The following DDAH1 variants were observed in gnomAD, a reference collection of about 807,000 sequenced individuals.
DDAH1 encodes the protein dimethylarginine dimethylaminohydrolase 1, also known as N(G),N(G)-dimethylarginine dimethylaminohydrolase 1.
In DDAH1, 19 loss-of-function variants were observed where a neutral mutation model predicts 28.8. The ratio of observed to expected loss-of-function variants is 0.66; its 90% CI spans 0.46 to 0.97. DDAH1 has a LOEUF of 0.97. DDAH1 is among the 50% of genes least tolerant of loss of function. The pLI is 0.00. For missense variants in DDAH1, 326 were observed against 375.9 expected, an observed-to-expected ratio of 0.87 and a Z score of 1.10; for synonymous variants, 153 against 154.4, an observed-to-expected ratio of 0.99 and a Z score of 0.07.
chr1:85,386,813 G>C (rs180837906), intron 1 of DDAH1, among the ~76,000 whole-genome samples: 3 of 152,278 alleles, frequency 2.0e-5, no homozygotes, highest in African/African-American at 4.8e-5. Context: ...CAAGCTTTCT[G>C]ATATATCCTC....
chr1:85,350,733 G>A (rs1222442105), intron 3 of DDAH1, among the ~76,000 whole-genome samples, 199 bp from the exon 4 acceptor site: 2 of 152,194 alleles, frequency 1.3e-5, no homozygotes, highest in East Asian at 3.9e-4. Context: ...GTCACCAGAT[G>A]TGTGACTGCT....
intron 2 of DDAH1, among the ~76,000 whole-genome samples, chr1:85,476,235 C>T (rs777305522): frequency 5.3e-5 from 8 of 152,082 alleles, no homozygotes; most frequent in Non-Finnish European, 1.2e-4. Context: ...TTCCTCAGCT[C>T]CTTCTTCTCA....
At chr1:85,323,599 T>C (rs1179546788) in intron 5 of DDAH1, among the ~76,000 whole-genome samples, 3 of 152,170 alleles carry the variant, frequency 2.0e-5, no homozygotes, top group Admixed American at 6.5e-5. Context: ...GAAGAGCTTT[T>C]TGCTACCTAG....
intron 1 of DDAH1, among the ~76,000 whole-genome samples, chr1:85,524,743 T>C (rs1470602176): frequency 6.6e-6 from 1 of 151,780 alleles, no homozygotes; most frequent in African/African-American, 2.4e-5. Context: ...GCGTAATGTA[T>C]TGATAAAGCA....
chr1:85,529,024 A>T (rs1657987895), intron 1 of DDAH1, among the ~76,000 whole-genome samples: 1 of 150,862 alleles, frequency 6.6e-6, no homozygotes, highest in Admixed American at 6.6e-5. Flanking sequence ...GGCCATATGC[A>T]GCAGGAGGAT....
chr1:85,418,567 T>C (rs1652988920), intron 1 of DDAH1, among the ~76,000 whole-genome samples: 2 of 152,194 alleles, frequency 1.3e-5, no homozygotes, highest in African/African-American at 4.8e-5. Flanking sequence ...ATTTCATTGG[T>C]ATTTAAAATT....
At chr1:85,365,044 A>C (rs1649999239) in intron 1 of DDAH1, among the ~76,000 whole-genome samples, 1 of 152,218 alleles carries the variant, frequency 6.6e-6, no homozygotes, top group South Asian at 2.1e-4. Flanking sequence ...TAGTCTTCCT[A>C]TGTGCCAGGC....
At chr1:85,525,675 A>G (rs1657845100) in intron 1 of DDAH1, among the ~76,000 whole-genome samples, 2 of 152,080 alleles carry the variant, frequency 1.3e-5, no homozygotes, top group Admixed American at 1.3e-4. Context: ...AGCAGGACAC[A>G]TAGCTTCTGA....
intron 1 of DDAH1, among the ~76,000 whole-genome samples, chr1:85,528,866 C>A (rs1337462842): frequency 6.6e-6 from 1 of 151,422 alleles, no homozygotes; most frequent in Non-Finnish European, 1.5e-5. Context: ...TCCAGCTACT[C>A]AAGAGGCCGA....
chr1:85,555,826 T>C (rs1297627123), intron 1 of DDAH1, among the ~76,000 whole-genome samples: 2 of 152,222 alleles, frequency 1.3e-5, no homozygotes, highest in Non-Finnish European at 2.9e-5. Context: ...CCAAAATGTT[T>C]AGGTCTTCCT....
At chr1:85,434,248 A>G (rs893355043) in intron 1 of DDAH1, among the ~76,000 whole-genome samples, 2 of 152,098 alleles carry the variant, frequency 1.3e-5, no homozygotes, top group East Asian at 3.8e-4. Flanking sequence ...TGATGCCCCA[A>G]TTTTTAAAAA....
At chr1:85,543,694 A>C (rs1303193750) in intron 1 of DDAH1, among the ~76,000 whole-genome samples, 2 of 152,236 alleles carry the variant, frequency 1.3e-5, no homozygotes, top group Non-Finnish European at 2.9e-5. Flanking sequence ...TACTTGTTTA[A>C]GTAATTATTA....
chr1:85,486,607 G>A (rs564828214), intron 2 of DDAH1, among the ~76,000 whole-genome samples: 1 of 152,156 alleles, frequency 6.6e-6, no homozygotes. Flanking sequence ...GCCAGCATTG[G>A]AGATGCAAAA....
At chr1:85,337,786 A>G (rs1648232443) in intron 4 of DDAH1, among the ~76,000 whole-genome samples, 1 of 152,156 alleles carries the variant, frequency 6.6e-6, no homozygotes, top group Admixed American at 6.5e-5. Flanking sequence ...CCTTTCCTCC[A>G]TAGTCTATCC....
chr1:85,340,091 A>G (rs1648381320), intron 4 of DDAH1, among the ~76,000 whole-genome samples: 1 of 152,216 alleles, frequency 6.6e-6, no homozygotes, highest in African/African-American at 2.4e-5. Flanking sequence ...AGAGAGTAAC[A>G]GATGAAAATA....
At chr1:85,468,158 CAT>C (rs1655450996), upstream of DDAH1, among the ~76,000 whole-genome samples, 1 of 152,198 alleles carries the variant, frequency 6.6e-6, no homozygotes, top group South Asian at 2.1e-4. Flanking sequence ...AACTCCAACA[CAT>C]ATAATGGCAC....
At chr1:85,568,842 A>C (rs1242990755) in intron 1 of DDAH1, among the ~76,000 whole-genome samples, 1 of 152,170 alleles carries the variant, frequency 6.6e-6, no homozygotes, top group Non-Finnish European at 1.5e-5. Flanking sequence ...TGACAAGAAG[A>C]CTTCACCCCA....
At chr1:85,555,656 G>A (rs1431683015) in intron 1 of DDAH1, among the ~76,000 whole-genome samples, 5 of 152,112 alleles carry the variant, frequency 3.3e-5, no homozygotes, top group East Asian at 1.9e-4. Context: ...GTGGCTGATC[G>A]ACCCAACTTC....
In DDAH1 at chr1:85,464,758, C is replaced by A; in HGVS notation, c.288G>T (p.Pro96=). ...ETALITRPGA[P]SRRKEVDMMK... is the part of the protein sequence containing the mutation. ...CGGCAGTTACCTCCTTCCTCCGGCTCGGCGCCCCGGGTCGGGTGATGAGGG... is the reference window on the plus strand; with the variant it reads ...CGGCAGTTACCTCCTTCCTCCGGCTAGGCGCCCCGGGTCGGGTGATGAGGG... The change falls in exon 1 of 6, where the codon CCG becomes CCT. Residue 96 remains proline (P), a synonymous_variant. Coordinates refer to ENST00000284031, the MANE Select transcript of DDAH1 (RefSeq NM_012137.4). The surrounding 1 kb of genome is among the most constrained non-coding windows in gnomAD (Gnocchi z 4.4). 1.3e-6 allele frequency: 2 copies of A among 1,551,860 alleles called. No individual in the cohort carries two copies. Among genetic ancestry groups the A allele is most frequent in the Non-Finnish European group, 1.7e-6 (2 of 1,154,338 alleles).
Sources: gnomAD v4.1 joint callset for allele counts (sites outside exome capture counted in the v4.1 genomes callset) on GRCh38, gnomAD v4.1.1 for gene constraint, Gnocchi (gnomAD v3.1) non-coding constraint, MANE v1.5 for transcripts, NCBI Gene and HGNC (gene_info 2026-07-23, HGNC 2026-07-21) for gene names.